Variants in TTLL9 observed in about 807,000 individuals in gnomAD.
The protein encoded by TTLL9 is probable tubulin polyglutamylase TTLL9.
Under a neutral mutation model 65.6 loss-of-function variants are expected in TTLL9, and 47 were observed. That is an observed-to-expected ratio of 0.72 (90% CI 0.57 to 0.91). The LOEUF is 0.91. TTLL9 is among the 40% of genes least tolerant of loss of function. The probability of loss-of-function intolerance (pLI) is 0.00; values close to 1 mark genes in which losing one functional copy is unlikely to be tolerated. For synonymous variants in TTLL9, 179 were observed against 204.8 expected (o/e 0.87, Z 1.07); for missense variants, 537 against 568.8 (o/e 0.94, Z 0.57).
intron 2 of TTLL9, among the ~76,000 whole-genome samples, chr20:31,880,638 G>A (rs2063104375): frequency 6.6e-6 from 1 of 151,724 alleles, no homozygotes; most frequent in Non-Finnish European, 1.5e-5. Context: ...GACTACAGGC[G>A]CTCGCCACCA....
In TTLL9 at chr20:31,925,040, G is replaced by T; in HGVS notation, c.696G>T (p.Leu232=). Residue 232 remains leucine, a synonymous_variant, in exon 9 of 15, where the codon CTG becomes CTT. Transcript: ENST00000535842. ...GRKFDLRVYV[L]VMSVFAECLL... ...AGTTTGACCTGCGTGTCTATGTGCTGGTGATGTCGGTGAGTAACAAAGGTG... is the reference window on the plus strand; with the variant it reads ...AGTTTGACCTGCGTGTCTATGTGCTTGTGATGTCGGTGAGTAACAAAGGTG... 6 of 1,614,074 alleles carry T rather than the reference G, an allele frequency of 3.7e-6. No homozygotes were observed. Among genetic ancestry groups the T allele is most frequent in the Non-Finnish European group, 5.1e-6 (6 of 1,179,996 alleles).
intron 4 of TTLL9, among the ~76,000 whole-genome samples, chr20:31,902,293 C>T (rs1331592534): frequency 6.6e-6 from 1 of 152,174 alleles, no homozygotes; most frequent in African/African-American, 2.4e-5. Flanking sequence ...TGGAATTATA[C>T]AATATGTAAC....
chr20:31,935,710 T>TGC (rs1402708098), intron 12 of TTLL9, among the ~76,000 whole-genome samples: 4 of 152,248 alleles, frequency 2.6e-5, no homozygotes, highest in African/African-American at 9.6e-5. Context: ...CTCTGGCCCA[T>TGC]GCTTGGACAC....
chr20:31,875,365 C>T (rs7261526), intron 2 of TTLL9, among the ~76,000 whole-genome samples: 13,069 of 152,124 alleles, frequency 0.086, 753 homozygotes, highest in African/African-American at 0.15. Flanking sequence ...GAACAGTTGA[C>T]AGAGTAGGAA....
rs556715068 is a variant in TTLL9, at chr20:31,873,377, G to C, written c.69+2182G>C. 4.6e-4 allele frequency among the ~76,000 whole-genome samples: 70 copies of C among 152,292 alleles called. 1 individual carries two copies. Among genetic ancestry groups the C allele is most frequent in the Non-Finnish European group, 2.4e-4 (16 of 68,016 alleles). On this transcript the variant is annotated intron_variant, in intron 2 of 14. Transcript: ENST00000535842. Reference sequence around the variant, plus strand: ...GTAAAGAAATGCTGATGCTGGGCGTGGTGGCTCATGCCTGTAATCCCAGCA... The same window carrying C: ...GTAAAGAAATGCTGATGCTGGGCGTCGTGGCTCATGCCTGTAATCCCAGCA...
At chr20:31,910,342 G>C (rs2063628318) in intron 6 of TTLL9, among the ~76,000 whole-genome samples, 1 of 152,242 alleles carries the variant, frequency 6.6e-6, no homozygotes, top group African/African-American at 2.4e-5. Flanking sequence ...CACAGACCTA[G>C]GTGCTGAAGA....
intron 4 of TTLL9, among the ~76,000 whole-genome samples, chr20:31,903,503 CT>C (rs2063507007): frequency 6.6e-6 from 1 of 151,954 alleles, no homozygotes; most frequent in South Asian, 2.1e-4. Flanking sequence ...CCTATTTTTT[CT>C]TTTGTTGCTA....
At chr20:31,906,690 C>T (rs543527467) in intron 4 of TTLL9, among the ~76,000 whole-genome samples, 6 of 152,176 alleles carry the variant, frequency 3.9e-5, no homozygotes, top group African/African-American at 1.4e-4. Context: ...CACTCTGTCA[C>T]ACACGCTGGA....
chr20:31,910,408 G>A (rs1349933117), intron 6 of TTLL9, among the ~76,000 whole-genome samples: 1 of 152,210 alleles, frequency 6.6e-6, no homozygotes, highest in African/African-American at 2.4e-5. Flanking sequence ...CAGACAATAA[G>A]CAAACAAAGG....
At chr20:31,919,496 C>A (rs144043095) in intron 6 of TTLL9, among the ~76,000 whole-genome samples, 2 of 152,140 alleles carry the variant, frequency 1.3e-5, no homozygotes, top group Non-Finnish European at 1.5e-5. Context: ...TAAAGGCAGG[C>A]TGATTTCAGT....
chr20:31,890,374 C>T (rs116740902), intron 3 of TTLL9, among the ~76,000 whole-genome samples: 1 of 151,770 alleles, frequency 6.6e-6, no homozygotes, highest in Admixed American at 6.6e-5. Flanking sequence ...CTGCACCCTG[C>T]TTTTGTCACA....
intron 3 of TTLL9, among the ~76,000 whole-genome samples, chr20:31,894,665 T>C (rs1291957340): frequency 6.6e-6 from 1 of 152,064 alleles, no homozygotes; most frequent in Non-Finnish European, 1.5e-5. Context: ...AGTCTTTATA[T>C]ACATATACAT....
At chr20:31,935,645 C>T (rs1009083898) in intron 12 of TTLL9, among the ~76,000 whole-genome samples, 1 of 152,240 alleles carries the variant, frequency 6.6e-6, no homozygotes, top group East Asian at 1.9e-4. Flanking sequence ...TCTCCTTTGT[C>T]CCCTGCAGCA....
intron 6 of TTLL9, among the ~76,000 whole-genome samples, chr20:31,911,134 C>T (rs1465782960): frequency 6.6e-6 from 1 of 151,750 alleles, no homozygotes; most frequent in Non-Finnish European, 1.5e-5. Flanking sequence ...GAGATCGCCC[C>T]ACTGCACTCC....
In TTLL9 at chr20:31,934,779, GACA is replaced by G. The variant is rs1568838075; in HGVS notation, c.899_901del (p.Asn300del). 5 of 1,613,674 alleles carry G rather than the reference GACA, an allele frequency of 3.1e-6. No individual in the cohort carries two copies. The highest frequency in any genetic ancestry group is 3.3e-5 in the Admixed American group (2 of 60,016). ...AGTGGAGACACTCTTCAGGGACATCGACAACATCTTTGTCAAAAGCCTGCAGAG... is the reference window on the plus strand; with the variant it reads ...AGTGGAGACACTCTTCAGGGACATCGACATCTTTGTCAAAAGCCTGCAGAG... On this transcript the variant is annotated inframe_deletion, in exon 12 of 15. Coordinates refer to ENST00000535842, the MANE Select transcript of TTLL9 (RefSeq NM_001008409.5).
chr20:31,898,030 C>A (rs1467586142), intron 3 of TTLL9, among the ~76,000 whole-genome samples: 3 of 152,190 alleles, frequency 2.0e-5, no homozygotes, highest in Non-Finnish European at 4.4e-5. Context: ...TCCCGTGGTC[C>A]TGAAATCTCC....
chr20:31,871,949 C>G (rs1600500979), intron 2 of TTLL9, among the ~76,000 whole-genome samples: 1 of 151,990 alleles, frequency 6.6e-6, no homozygotes, highest in South Asian at 2.1e-4. Flanking sequence ...TATTTTAAAA[C>G]TATAAATGAG....
intron 2 of TTLL9, among the ~76,000 whole-genome samples, chr20:31,873,821 GAAGAAAGA>G (rs200264258): frequency 0.12 from 11,735 of 94,680 alleles, 699 homozygotes; most frequent in African/African-American, 0.18. Flanking sequence ...AGGAAGGAAG[GAAGAAAGA>G]AAGAAAGAAA....
At chr20:31,902,283 T>C (rs750614484) in intron 4 of TTLL9, among the ~76,000 whole-genome samples, 6 of 152,222 alleles carry the variant, frequency 3.9e-5, no homozygotes, top group Admixed American at 1.3e-4. Flanking sequence ...ATCATGTAAG[T>C]GGAATTATAC....
Sources: allele counts gnomAD v4.1 joint callset (sites outside exome capture counted in the v4.1 genomes callset), GRCh38; gene constraint gnomAD v4.1.1; transcripts MANE v1.5; gene names NCBI Gene and HGNC (gene_info 2026-07-23, HGNC 2026-07-21).